Variants in SOS1 observed in about 807,000 individuals in gnomAD.
The protein encoded by SOS1 is son of sevenless homolog 1.
A neutral mutation model predicts 157.6 loss-of-function variants in SOS1; 25 were observed. The observed-to-expected ratio is 0.16, with a 90% CI of 0.12 to 0.22. The LOEUF (loss-of-function observed/expected upper bound fraction) is 0.22. Among genes scored for constraint, SOS1 ranks in the 10% least tolerant of loss-of-function variants. The pLI is 1.00. For synonymous variants in SOS1, 528 were observed against 534.0 expected, an observed-to-expected ratio of 0.99 and a Z score of 0.16; for missense variants, 1,237 against 1,599.1, an observed-to-expected ratio of 0.77 and a Z score of 3.86.
chr2:39,086,132 G>T (rs183285359), intron 1 of SOS1, among the ~76,000 whole-genome samples: 1 of 152,246 alleles, frequency 6.6e-6, no homozygotes, highest in East Asian at 1.9e-4. Context: ...TTAAAGTACA[G>T]GATACCAAGA....
At chr2:39,100,402 A>G (rs1015192381) in intron 1 of SOS1, among the ~76,000 whole-genome samples, 1 of 152,216 alleles carries the variant, frequency 6.6e-6, no homozygotes, top group Admixed American at 6.5e-5. Context: ...TTATGGAAAC[A>G]ATGTGTCAAC....
intron 5 of SOS1, among the ~76,000 whole-genome samples, chr2:39,052,196 A>T (rs996851184): frequency 6.6e-6 from 1 of 152,148 alleles, no homozygotes; most frequent in African/African-American, 2.4e-5. Context: ...TCAACAAATG[A>T]TAGTTTCTTA....
At position 39,120,676 on chromosome 2, in the gene SOS1, C is replaced by CA. The variant is rs1456390883; in HGVS notation, c.-255_-254insT. ...CGGAGGCGGCGGCATCCCGCACCAC[C>CA]GCCCCGGGGCCAGGCCCCCCGCCCC... On this transcript the variant is annotated 5_prime_UTR_variant, in exon 1 of 23. Coordinates refer to ENST00000402219, the MANE Select transcript of SOS1 (RefSeq NM_005633.4). 1.4e-5 allele frequency among the ~76,000 whole-genome samples: 2 copies of CA among 146,826 alleles called. No homozygotes were observed. The highest frequency in any genetic ancestry group is 4.9e-5 in the African/African-American group (2 of 40,890).
At chr2:39,048,660 C>A (rs1311537281) in intron 6 of SOS1, among the ~76,000 whole-genome samples, 1 of 152,068 alleles carries the variant, frequency 6.6e-6, no homozygotes, top group East Asian at 1.9e-4. Flanking sequence ...CCTCAGTCTC[C>A]CAAAGTGCTG....
At chr2:39,084,307 G>A (rs1220758166) in intron 1 of SOS1, among the ~76,000 whole-genome samples, 2 of 152,088 alleles carry the variant, frequency 1.3e-5, no homozygotes, top group African/African-American at 4.8e-5. Context: ...GTATTCTTAA[G>A]TGAGAAAACT....
intron 6 of SOS1, among the ~76,000 whole-genome samples, chr2:39,045,141 T>C (rs1286179436): frequency 6.6e-6 from 1 of 152,086 alleles, no homozygotes; most frequent in Non-Finnish European, 1.5e-5. Flanking sequence ...ATTATGCTTA[T>C]TTTTCCCCAA....
upstream of SOS1, among the ~76,000 whole-genome samples, chr2:39,122,691 G>A (rs551329112): frequency 2.6e-5 from 4 of 152,154 alleles, no homozygotes; most frequent in East Asian, 7.7e-4. Flanking sequence ...AATTATAGGC[G>A]CCTGCCACCA....
At chr2:39,030,534 C>T (rs769130310) in intron 8 of SOS1, among the ~76,000 whole-genome samples, 56 of 152,130 alleles carry the variant, frequency 3.7e-4, no homozygotes, top group Non-Finnish European at 6.3e-4. Flanking sequence ...CATACCACTG[C>T]GCTCCAGCCT....
chr2:38,994,991 T>A (rs1268856701), intron 20 of SOS1, 132 bp downstream of exon 20: 1 of 705,118 alleles, frequency 1.4e-6, no homozygotes, highest in Non-Finnish European at 2.4e-6. Context: ...ATTTTTATAA[T>A]ATTATCTTTT....
intron 18 of SOS1, 27 bp from the exon 19 acceptor site, chr2:38,997,065 T>C (rs1668918986): frequency 8.2e-7 from 1 of 1,219,962 alleles, no homozygotes; most frequent in Non-Finnish European, 1.2e-6. Flanking sequence ...GAAAAAATTA[T>C]TAATATTCAA....
At chr2:39,021,545 A>C (rs1669798142) in intron 10 of SOS1, among the ~76,000 whole-genome samples, 1 of 149,116 alleles carries the variant, frequency 6.7e-6, no homozygotes, top group Non-Finnish European at 1.5e-5. Context: ...AAAAAAAAAA[A>C]AATTAAAACT....
intron 1 of SOS1, among the ~76,000 whole-genome samples, chr2:39,104,444 AAAG>A (rs1673088131): frequency 6.6e-6 from 1 of 152,242 alleles, no homozygotes; most frequent in African/African-American, 2.4e-5. Flanking sequence ...TGGGATAAGA[AAAG>A]AAAGAAAATA....
chr2:39,025,832 G>A (rs1558476144), intron 8 of SOS1, among the ~76,000 whole-genome samples: 1 of 152,106 alleles, frequency 6.6e-6, no homozygotes, highest in Non-Finnish European at 1.5e-5. Context: ...GATGACCTGT[G>A]AAAAGTAAAC....
rs41432544 is a variant in SOS1, at chr2:38,999,524, T to C, written c.2792-2099A>G. Among the ~76,000 whole-genome samples the C allele has an allele frequency of 9.4e-3, 1,433 of 152,346 alleles. 22 individuals are homozygous for C. Among genetic ancestry groups the C allele is most frequent in the African/African-American group, 0.033 (1,357 of 41,574 alleles). On this transcript the variant is annotated intron_variant, in intron 17 of 22. Transcript: ENST00000402219. ...ATTAAGTGCATTAGTTACTTGGTTA[T>C]TTCTCAGCACCTGGGCTATGCCTGA...
chr2:39,007,929 G>T (rs1340558639), intron 15 of SOS1, among the ~76,000 whole-genome samples: 1 of 152,142 alleles, frequency 6.6e-6, no homozygotes, highest in Non-Finnish European at 1.5e-5. Context: ...CAAAAATTTG[G>T]TAAGAGAGGG....
At position 39,011,560 on chromosome 2, in the gene SOS1, C is replaced by T. The variant is rs1572820814; in HGVS notation, c.2390+566G>A. On this transcript the variant is annotated intron_variant, in intron 14 of 22. Coordinates refer to ENST00000402219, the MANE Select transcript of SOS1 (RefSeq NM_005633.4). The stretch of plus-strand genomic sequence containing the variant: ...GAGATCTATAAATTTATCTCATTTT[C>T]TCATTTAGTTATTAAAAAGTGAATA... 2.0e-5 allele frequency among the ~76,000 whole-genome samples: 3 copies of T among 151,984 alleles called. No homozygotes were observed. In the East Asian group the frequency reaches 5.8e-4, roughly 29 times the overall value.
chr2:39,055,013 A>G (rs1348640720), intron 4 of SOS1, among the ~76,000 whole-genome samples, 190 bp from the exon 5 acceptor site: 5 of 152,144 alleles, frequency 3.3e-5, no homozygotes, highest in African/African-American at 1.2e-4. Flanking sequence ...ATGTGATATA[A>G]CTTACTACAC....
Position 38,985,771 on chromosome 2 carries a change from T to C in SOS1, c.*53A>G, listed in dbSNP as rs1253496361. ...AGTGCTGGCACATTCAGTGCATCCA[T>C]TGCCAGCAATGGATTTGGGGCTAGG... On this transcript the variant is annotated 3_prime_UTR_variant, in exon 23 of 23. Coordinates refer to ENST00000402219, the MANE Select transcript of SOS1 (RefSeq NM_005633.4). 8.0e-6 allele frequency: 12 copies of C among 1,496,422 alleles called. No individual in the cohort carries two copies. The highest frequency in any genetic ancestry group is 1.0e-5 in the Non-Finnish European group (11 of 1,099,858). 92.7% of individuals were successfully genotyped at this position (1,496,422 alleles called of 1,614,324 possible).
At chr2:39,089,331 G>C (rs1210993822) in intron 1 of SOS1, among the ~76,000 whole-genome samples, 1 of 152,098 alleles carries the variant, frequency 6.6e-6, no homozygotes, top group Admixed American at 6.6e-5. Flanking sequence ...AGGAGTTCAA[G>C]ACTAGACTGG....
Sources: allele counts gnomAD v4.1 joint callset (sites outside exome capture counted in the v4.1 genomes callset), GRCh38; gene constraint gnomAD v4.1.1; transcripts MANE v1.5; gene names NCBI Gene and HGNC (gene_info 2026-07-23, HGNC 2026-07-21).